SLIT2: variants seen among roughly 807,000 people sequenced by gnomAD.
The protein encoded by SLIT2 is slit guidance ligand 2.
Under a neutral mutation model 185.7 loss-of-function variants are expected in SLIT2, and 41 were observed. The ratio of observed to expected loss-of-function variants is 0.22; its 90% CI spans 0.17 to 0.29. The LOEUF is 0.29. Among genes scored for constraint, SLIT2 ranks in the 10% least tolerant of loss-of-function variants. SLIT2 has a pLI of 1.00. For synonymous variants in SLIT2, 693 were observed against 680.2 expected (o/e 1.02, Z -0.29); for missense variants, 1,571 against 1,909.0 (o/e 0.82, Z 3.30).
chr4:20,424,257 A>G (rs1204839312), intron 4 of SLIT2, among the ~76,000 whole-genome samples: 1 of 152,122 alleles, frequency 6.6e-6, no homozygotes, highest in Non-Finnish European at 1.5e-5. Context: ...CATGAAAATG[A>G]CAAAGTTTTA....
intron 11 of SLIT2, among the ~76,000 whole-genome samples, chr4:20,514,761 T>G (rs1720052286): frequency 6.7e-6 from 1 of 150,070 alleles, no homozygotes; most frequent in Non-Finnish European, 1.5e-5. Context: ...AGAAATCCTA[T>G]ACTTTTTTTT....
At chr4:20,270,470 T>C (rs189294005) in intron 4 of SLIT2, among the ~76,000 whole-genome samples, 79 of 152,008 alleles carry the variant, frequency 5.2e-4, no homozygotes, top group African/African-American at 1.9e-3. Context: ...GCAGCTGCTG[T>C]ATGAAAAAAG....
At chr4:20,612,813 G>A (rs948494372) in intron 34 of SLIT2, among the ~76,000 whole-genome samples, 1 of 151,326 alleles carries the variant, frequency 6.6e-6, no homozygotes, top group Non-Finnish European at 1.5e-5. Flanking sequence ...AGCTACTTGG[G>A]AGACTGAGGC....
intron 6 of SLIT2, among the ~76,000 whole-genome samples, chr4:20,482,390 T>G (rs1244704909): frequency 6.6e-6 from 1 of 152,036 alleles, no homozygotes; most frequent in East Asian, 1.9e-4. Context: ...ATACCTACTG[T>G]GTATATTTTA....
rs1355887077 is a variant in SLIT2, at chr4:20,538,108, C to T, written c.1833-1333C>T. On this transcript the variant is annotated intron_variant, in intron 18 of 36. Transcript: ENST00000504154. The stretch of plus-strand genomic sequence containing the variant: ...CTGAGTAGCTGGGACTACAGGTGCC[C>T]GCCACCACGCTAGGCTAATTTTTTT... Among the ~76,000 whole-genome samples the T allele has an allele frequency of 4.6e-5, 7 of 152,130 alleles. No individual in the cohort carries two copies. In the East Asian group the frequency reaches 1.2e-3, roughly 25 times the overall value.
intron 30 of SLIT2, among the ~76,000 whole-genome samples, chr4:20,594,104 T>TAC (rs904815367): frequency 9.4e-5 from 14 of 149,494 alleles, no homozygotes; most frequent in African/African-American, 3.4e-4. Context: ...TTCTCATATA[T>TAC]ACACATATAT....
chr4:20,262,643 G>T (rs1177189503), intron 3 of SLIT2, among the ~76,000 whole-genome samples: 2 of 151,706 alleles, frequency 1.3e-5, no homozygotes, highest in African/African-American at 4.8e-5. Flanking sequence ...CTCTTTAAAG[G>T]ACACATCAAA....
intron 34 of SLIT2, chr4:20,615,390 C>T (rs1405489467): frequency 6.6e-6 from 1 of 152,128 alleles, no homozygotes; most frequent in Non-Finnish European, 1.5e-5. Context: ...ATCACCTGAG[C>T]TGCATGTAGA....
chr4:20,408,272 G>A (rs1271505129), intron 4 of SLIT2, among the ~76,000 whole-genome samples: 1 of 152,148 alleles, frequency 6.6e-6, no homozygotes, highest in East Asian at 1.9e-4. Flanking sequence ...AAGAAGCTGA[G>A]ATTATAATAC....
At chr4:20,539,402 T>G in intron 18 of SLIT2, 39 bp from the exon 19 acceptor site, 1 of 1,585,272 alleles carries the variant, frequency 6.3e-7, no homozygotes, top group Non-Finnish European at 8.6e-7. Flanking sequence ...GATTGCCTGA[T>G]GCTTTGTCTC....
Position 20,349,211 on chromosome 4 carries a change from A to G in SLIT2, c.395+80330A>G, listed in dbSNP as rs537252307. On this transcript the variant is annotated intron_variant, in intron 4 of 36. Transcript: ENST00000504154. ...GTCCAAAAGAAATGCCTGAGAGTTG[A>G]TTTATTCGGCAGTTAGTTCCAAATG... Among the ~76,000 whole-genome samples, 20 of 152,306 alleles carry G rather than the reference A, an allele frequency of 1.3e-4. No homozygotes were observed. In the South Asian group the frequency reaches 3.7e-3, roughly 28 times the overall value.
chr4:20,517,385 G>T (rs1183676736), intron 11 of SLIT2, among the ~76,000 whole-genome samples: 1 of 152,044 alleles, frequency 6.6e-6, no homozygotes, highest in African/African-American at 2.4e-5. Context: ...ATATTGAATT[G>T]AATATCCCAG....
intron 4 of SLIT2, among the ~76,000 whole-genome samples, chr4:20,341,292 G>A (rs1162923846): frequency 6.6e-6 from 1 of 152,186 alleles, no homozygotes; most frequent in Admixed American, 6.5e-5. Context: ...GTGTAAGAAA[G>A]AATTGGATGA....
At position 20,568,876 on chromosome 4, in the gene SLIT2, C is replaced by T. The variant is rs760645808; in HGVS notation, c.2960C>T (p.Ala987Val). ...CCTCTGGCATTCAGGTGTATTTGTG[C>T]TGATGGATTTGAAGGAGAAAATTGT... ...GEEDGFWCICADGFEGENCEV... is the reference protein window; with the variant it reads ...GEEDGFWCICVDGFEGENCEV... Residue 987 changes from alanine to valine, a missense_variant, in exon 29 of 37, where the codon GCT becomes GTT. Transcript: ENST00000504154. 6.2e-7 allele frequency: 1 copy of T among 1,611,930 alleles called. No homozygotes were observed. Among genetic ancestry groups the T allele is most frequent in the Non-Finnish European group, 8.5e-7 (1 of 1,178,536 alleles).
chr4:20,427,109 C>G (rs1014106549), intron 4 of SLIT2, among the ~76,000 whole-genome samples: 2 of 152,128 alleles, frequency 1.3e-5, no homozygotes, highest in Non-Finnish European at 1.5e-5. Context: ...GACTTCAATC[C>G]TCAATTGAAA....
chr4:20,427,399 T>A (rs573904425), intron 4 of SLIT2, among the ~76,000 whole-genome samples: 5 of 152,312 alleles, frequency 3.3e-5, no homozygotes, highest in Admixed American at 3.3e-4. Context: ...TAGGAAAAAT[T>A]ATATTCTTAC....
intron 26 of SLIT2, among the ~76,000 whole-genome samples, chr4:20,566,782 T>G (rs1460702620): frequency 6.6e-6 from 1 of 152,076 alleles, no homozygotes; most frequent in Non-Finnish European, 1.5e-5. Context: ...GAGTCAATGT[T>G]ACCTGGGCAG....
chr4:20,517,806 A>G (rs1720347514), intron 11 of SLIT2, among the ~76,000 whole-genome samples: 1 of 152,016 alleles, frequency 6.6e-6, no homozygotes, highest in South Asian at 2.1e-4. Flanking sequence ...TCTCTCTTGT[A>G]TAGTTATTTT....
At chr4:20,561,407 T>A (rs927487476) in intron 26 of SLIT2, among the ~76,000 whole-genome samples, 3 of 151,834 alleles carry the variant, frequency 2.0e-5, no homozygotes, top group Admixed American at 2.0e-4. Context: ...AGCAAGTTGA[T>A]GTTTTCCATT....
Sources: gnomAD v4.1 joint callset for allele counts (sites outside exome capture counted in the v4.1 genomes callset) on GRCh38, gnomAD v4.1.1 for gene constraint, MANE v1.5 for transcripts, NCBI Gene and HGNC (gene_info 2026-07-23, HGNC 2026-07-21) for gene names.